SVEP1: variants seen among roughly 807,000 people sequenced by gnomAD.
SVEP1 encodes the protein sushi, von Willebrand factor type A, EGF and pentraxin domain-containing protein 1.
A neutral mutation model predicts 367.3 loss-of-function variants in SVEP1; 164 were observed. The observed-to-expected ratio is 0.45, with a 90% confidence interval of 0.39 to 0.51. The LOEUF (loss-of-function observed/expected upper bound fraction) is 0.51. SVEP1 is among the 20% of genes least tolerant of loss of function. The pLI is 0.00. For missense variants in SVEP1, 4,117 were observed against 4,425.3 expected, an observed-to-expected ratio of 0.93 and a Z score of 1.98; for synonymous variants, 1,666 against 1,611.6, an observed-to-expected ratio of 1.03 and a Z score of -0.81.
At chr9:110,430,814 G>T (rs1350735837) in intron 32 of SVEP1, among the ~76,000 whole-genome samples, 1 of 152,136 alleles carries the variant, frequency 6.6e-6, no homozygotes, top group Non-Finnish European at 1.5e-5. Context: ...AACTGACTTG[G>T]TGTCAGGCTG....
At position 110,430,314 on chromosome 9, in the gene SVEP1, C is replaced by G; in HGVS notation, c.5490G>C (p.Leu1830Phe). ...TTAGATGATTCCATTCTCCAGACTC[C>G]AAACATGTGATTTTGGTTACTCCCA... ...QLMGVTKITC[L>F]ESGEWNHLIP... Residue 1830 changes from leucine to phenylalanine, a missense_variant, in exon 33 of 48, where the codon TTG becomes TTC. Leu to Phe is a conservative substitution (Grantham distance 22). Transcript: ENST00000374469. The G allele has an allele frequency of 1.2e-6, 2 of 1,613,366 alleles. No individual in the cohort carries two copies. The highest frequency in any genetic ancestry group is 1.7e-6 in the Non-Finnish European group (2 of 1,179,684).
chr9:110,513,735 C>T (rs898076537), intron 4 of SVEP1, among the ~76,000 whole-genome samples: 3 of 152,056 alleles, frequency 2.0e-5, no homozygotes, highest in African/African-American at 7.2e-5. Context: ...ATGTTATTCC[C>T]AGCATCTCAG....
intron 16 of SVEP1, 66 bp from the exon 17 acceptor site, chr9:110,469,167 T>A: frequency 3.4e-6 from 5 of 1,469,734 alleles, no homozygotes; most frequent in Non-Finnish European, 4.6e-6. Context: ...GGCTTTTTTT[T>A]CCTAAGACAT....
intron 36 of SVEP1, among the ~76,000 whole-genome samples, chr9:110,423,168 T>TAAAAAAAAAAAAAAAAAAAAAAAAAAA: frequency 5.8e-5 from 6 of 103,646 alleles, no homozygotes; most frequent in East Asian, 2.5e-4. Flanking sequence ...AAAAATAAAG[T>TAAAAAAAAAAAAAAAAAAAAAAAAAAA]AAAAAAAAAA....
rs570741069 is a variant in SVEP1, at chr9:110,408,289, T to C, written c.7311A>G (p.Pro2437=). 1.2e-6 allele frequency: 2 copies of C among 1,613,908 alleles called. No homozygotes were observed. Among genetic ancestry groups the C allele is most frequent in the Non-Finnish European group, 1.7e-6 (2 of 1,179,906 alleles). Residue 2437 remains proline (P), a synonymous_variant, in exon 38 of 48, where the codon CCA becomes CCG. Coordinates refer to ENST00000374469, the MANE Select transcript of SVEP1 (RefSeq NM_153366.4). The part of the protein sequence containing the change: ...TWSSPLPECV[P]VECPQPEEIP... ...TTTCCTCAGGTTGGGGACATTCTAC[T>C]GGAACACATTCTGGCAGTGGAGAGC... is the stretch of plus-strand genomic sequence containing the variant.
At chr9:110,463,298 C>T (rs1588065904) in intron 18 of SVEP1, among the ~76,000 whole-genome samples, 1 of 152,092 alleles carries the variant, frequency 6.6e-6, no homozygotes, top group South Asian at 2.1e-4. Context: ...ATTTCAGACT[C>T]TTGAGTGTGT....
intron 1 of SVEP1, among the ~76,000 whole-genome samples, chr9:110,561,908 A>G (rs1830436335): frequency 6.6e-6 from 1 of 152,202 alleles, no homozygotes. Context: ...GGTTGGCCCT[A>G]TAACATTTAG....
At chr9:110,404,580 C>A in intron 38 of SVEP1, 28 bp from the exon 39 acceptor site, 1 of 1,599,102 alleles carries the variant, frequency 6.3e-7, no homozygotes, top group Non-Finnish European at 8.6e-7. Context: ...AAATGAGTGC[C>A]TTAAATGAAG....
At chr9:110,525,773 TTTTAC>T (rs1336674749) in intron 3 of SVEP1, among the ~76,000 whole-genome samples, 1 of 152,012 alleles carries the variant, frequency 6.6e-6, no homozygotes. Flanking sequence ...GATTTTTTTT[TTTTAC>T]TTTTTTAAAA....
At chr9:110,504,097 C>T (rs899516862) in intron 5 of SVEP1, among the ~76,000 whole-genome samples, 1 of 151,614 alleles carries the variant, frequency 6.6e-6, no homozygotes, top group Non-Finnish European at 1.5e-5. Flanking sequence ...CTCTGCTGCC[C>T]AGGCTGAAGT....
chr9:110,469,157 G>C (rs955564627), intron 16 of SVEP1, 56 bp from the exon 17 acceptor site: 2 of 1,507,450 alleles, frequency 1.3e-6, no homozygotes, highest in Non-Finnish European at 1.8e-6. Flanking sequence ...GAACACACTG[G>C]GCTTTTTTTT....
Position 110,436,360 on chromosome 9 carries a change from A to G in SVEP1, c.4764+20T>C. The stretch of plus-strand genomic sequence containing the variant: ...TACCTTTGCATCTCATTACTGTCAT[A>G]CACTGAAAATGGAATTGACCTGCTG... On this transcript the variant is annotated intron_variant, in intron 28 of 47. Coordinates refer to ENST00000374469, the MANE Select transcript of SVEP1 (RefSeq NM_153366.4). 6.2e-7 allele frequency: 1 copy of G among 1,613,796 alleles called. No individual in the cohort carries two copies. The highest frequency in any genetic ancestry group is 8.5e-7 in the Non-Finnish European group (1 of 1,179,780).
intron 46 of SVEP1, among the ~76,000 whole-genome samples, chr9:110,373,807 G>A (rs1779819737): frequency 6.6e-6 from 1 of 152,208 alleles, no homozygotes. Flanking sequence ...GTGGGGGAAG[G>A]GATAGATAAT....
rs759698868 is a variant in SVEP1 at position 110,476,206 on chromosome 9, A to T, written c.2597T>A (p.Ile866Asn). ...YNYDYENGFA[I>N]GPGGWGAANR... is the part of the protein sequence containing the mutation. ...CCGATGCCACAGAATTTAATTACCA[A>T]TTGCAAAGCCATTTTCATAGTCATA... is the stretch of plus-strand genomic sequence containing the variant. The change falls in exon 14 of 48, where the codon ATT becomes AAT. Residue 866 changes from isoleucine to asparagine, a missense_variant and splice_region_variant. By Grantham distance (149) the Ile-to-Asn change is moderately radical. This residue lies in a region of SVEP1 where 2,174 missense variants were observed against 2,494.3 expected (regional missense o/e 0.87). Coordinates refer to ENST00000374469, the MANE Select transcript of SVEP1 (RefSeq NM_153366.4). The T allele has an allele frequency of 1.2e-6, 2 of 1,603,752 alleles. No individual in the cohort carries two copies.
At chr9:110,528,979 G>A (rs142708750) in intron 3 of SVEP1, among the ~76,000 whole-genome samples, 239 of 151,990 alleles carry the variant, frequency 1.6e-3, no homozygotes, top group African/African-American at 5.5e-3. Context: ...TTTTTCCTAG[G>A]TTTAGTTGTA....
chr9:110,381,795 T>C (rs1423639444), intron 43 of SVEP1, among the ~76,000 whole-genome samples: 1 of 152,186 alleles, frequency 6.6e-6, no homozygotes, highest in East Asian at 1.9e-4. Flanking sequence ...GGTGTTAAAG[T>C]CTCCCACTAT....
At chr9:110,427,851 T>A in intron 35 of SVEP1, 93 bp from the exon 36 acceptor site, 1 of 1,400,910 alleles carries the variant, frequency 7.1e-7, no homozygotes, top group Non-Finnish European at 9.6e-7. Flanking sequence ...TAAGGGACAT[T>A]TGAGGAATTT....
chr9:110,384,268 G>C (rs1174740951), intron 43 of SVEP1, among the ~76,000 whole-genome samples: 1 of 151,904 alleles, frequency 6.6e-6, no homozygotes, highest in African/African-American at 2.4e-5. Flanking sequence ...CCTTTGGCTG[G>C]GGGTGGGAGC....
At chr9:110,398,584 G>T (rs536048597) in intron 40 of SVEP1, among the ~76,000 whole-genome samples, 4 of 151,992 alleles carry the variant, frequency 2.6e-5, no homozygotes, top group African/African-American at 7.2e-5. Flanking sequence ...AATTTTTCCA[G>T]CCTACTCATC....
Sources: allele counts gnomAD v4.1 joint callset (sites outside exome capture counted in the v4.1 genomes callset), GRCh38; gene constraint gnomAD v4.1.1; regional missense constraint gnomAD v4.1.1; transcripts MANE v1.5; gene names NCBI Gene and HGNC (gene_info 2026-07-23, HGNC 2026-07-21).